The following NWD1 variants were observed in gnomAD, a reference collection of about 807,000 sequenced individuals.
The protein encoded by NWD1 is NACHT domain- and WD repeat-containing protein 1.
A neutral mutation model predicts 135.1 loss-of-function variants in NWD1; 129 were observed. The observed-to-expected ratio is 0.96, with a 90% CI of 0.83 to 1.11. The LOEUF is 1.11. Among genes scored for constraint, NWD1 ranks in the 50% least tolerant of loss-of-function variants. The pLI is 0.00. For synonymous variants in NWD1, 773 were observed against 786.0 expected, an observed-to-expected ratio of 0.98 and a Z score of 0.28; for missense variants, 1,740 against 1,851.3, an observed-to-expected ratio of 0.94 and a Z score of 1.10.
At chr19:16,744,763 C>T (rs1390926874) in intron 5 of NWD1, 45 bp downstream of exon 5, 7 of 1,474,234 alleles carry the variant, frequency 4.7e-6, no homozygotes, top group Admixed American at 2.0e-5. Context: ...AAGAAACTGA[C>T]CACGTGTTCA....
In NWD1 at chr19:16,807,932, C is replaced by A. The variant is rs138665378; in HGVS notation, c.4083C>A (p.Arg1361=). 6.2e-7 allele frequency: 1 copy of A among 1,614,126 alleles called. No homozygotes were observed. Among genetic ancestry groups the A allele is most frequent in the East Asian group, 2.2e-5 (1 of 44,886 alleles). The change falls in exon 18 of 19, where the codon CGC becomes CGA. Residue 1361 remains arginine, a synonymous_variant. Coordinates refer to ENST00000524140, the MANE Select transcript of NWD1 (RefSeq NM_001007525.5). ...LSSVAILTDY[R]VVYSMTNGDL... ...GCGTGGCCATTCTGACGGACTACCG[C>A]GTGGTCTACAGCATGACCAATGGGG... is the stretch of plus-strand genomic sequence containing the variant.
At position 16,806,779 on chromosome 19, in the gene NWD1, C is replaced by T. The variant is rs138020864; in HGVS notation, c.3737-807C>T. On this transcript the variant is annotated intron_variant, in intron 17 of 18. Transcript: ENST00000524140. ...CCTGTAATCCCAGCATTTTGGGAGG[C>T]CGAGGCGGGCGGATCACTTGAGGTC... Among the ~76,000 whole-genome samples the T allele has an allele frequency of 3.1e-3, 478 of 152,068 alleles. 1 individual carries two copies. The highest frequency in any genetic ancestry group is 0.011 in the African/African-American group (454 of 41,480).
intron 12 of NWD1, 97 bp from the exon 13 acceptor site, chr19:16,788,885 G>A (rs2123041535): frequency 1.2e-6 from 1 of 804,330 alleles, no homozygotes; most frequent in South Asian, 1.5e-5. Context: ...CTTTTCTTTG[G>A]TAAATGAGGG....
chr19:16,810,626 G>A (rs1382534019), intron 18 of NWD1, among the ~76,000 whole-genome samples: 1 of 151,782 alleles, frequency 6.6e-6, no homozygotes, highest in African/African-American at 2.4e-5. Flanking sequence ...AGCCAGGTGT[G>A]GAGGTGTGTG....
At chr19:16,782,348 C>T (rs1175534097) in intron 12 of NWD1, among the ~76,000 whole-genome samples, 2 of 150,660 alleles carry the variant, frequency 1.3e-5, no homozygotes, top group Non-Finnish European at 2.9e-5. Flanking sequence ...CACCTGAAGT[C>T]CCAGCTACGT....
chr19:16,745,887 A>C (rs961333752), intron 5 of NWD1, among the ~76,000 whole-genome samples: 3 of 152,234 alleles, frequency 2.0e-5, no homozygotes, highest in African/African-American at 7.2e-5. Flanking sequence ...ACTGCACTCC[A>C]GCATGGGTGA....
At position 16,789,051 on chromosome 19, in the gene NWD1, T is replaced by A; in HGVS notation, c.2801T>A (p.Leu934Gln). ...LANSASKDYT[L>Q]HLWNLLSGQE... ...AACTCTGCTTCAAAGGATTACACGCTGCACTTGTGGAACTTACTCTCTGGC... is the reference window on the plus strand; with the variant it reads ...AACTCTGCTTCAAAGGATTACACGCAGCACTTGTGGAACTTACTCTCTGGC... Residue 934 changes from leucine (L) to glutamine (Q), a missense_variant, in exon 13 of 19, where the codon CTG (leucine) becomes CAG (glutamine). Leu to Gln is a moderately radical substitution (Grantham distance 113). Transcript: ENST00000524140. 1 of 1,613,426 alleles carries A rather than the reference T, an allele frequency of 6.2e-7. No homozygotes were observed. Among genetic ancestry groups the A allele is most frequent in the South Asian group, 1.1e-5 (1 of 91,042 alleles).
At chr19:16,790,648 AAT>A (rs984283567) in intron 13 of NWD1, among the ~76,000 whole-genome samples, 2 of 119,654 alleles carry the variant, frequency 1.7e-5, no homozygotes, top group Non-Finnish European at 1.6e-5. Flanking sequence ...AAAATAAATA[AAT>A]AAATAAATAA....
chr19:16,763,975 G>C (rs371904761), intron 9 of NWD1, 30 bp downstream of exon 9: 2 of 1,350,316 alleles, frequency 1.5e-6, no homozygotes, highest in Admixed American at 1.7e-5. Flanking sequence ...TCAGAGGACC[G>C]AGCCTGGTGA....
intron 6 of NWD1, 94 bp downstream of exon 6, chr19:16,750,505 AG>A: frequency 1.0e-6 from 1 of 995,640 alleles, no homozygotes; most frequent in Non-Finnish European, 1.4e-6. Context: ...CCCAGGCTGG[AG>A]TGCAGTGGTG....
At chr19:16,722,123 C>A (rs370142566) in intron 1 of NWD1, among the ~76,000 whole-genome samples, 5,526 of 150,912 alleles carry the variant, frequency 0.037, 343 homozygotes, top group African/African-American at 0.12. Context: ...TTGAAAAAAA[C>A]AACAACAACA....
intron 5 of NWD1, among the ~76,000 whole-genome samples, chr19:16,748,096 GTCTTAGCC>G (rs1385600810): frequency 2.0e-5 from 3 of 152,134 alleles, no homozygotes; most frequent in African/African-American, 7.2e-5. Flanking sequence ...TGATTCTCCT[GTCTTAGCC>G]TCTTGAGTAG....
intron 1 of NWD1, among the ~76,000 whole-genome samples, chr19:16,723,745 G>A (rs998434182): frequency 4.6e-5 from 7 of 152,050 alleles, no homozygotes; most frequent in African/African-American, 1.7e-4. Context: ...TGTTGCCAAG[G>A]CTGGGTGTGG....
chr19:16,756,398 T>A (rs1042865925), intron 6 of NWD1, among the ~76,000 whole-genome samples: 5 of 152,170 alleles, frequency 3.3e-5, no homozygotes, highest in African/African-American at 7.2e-5. Context: ...GGGGACTTGG[T>A]CTTGCTGTCT....
chr19:16,797,125 A>G (rs538450354), intron 15 of NWD1, among the ~76,000 whole-genome samples: 275 of 151,444 alleles, frequency 1.8e-3, no homozygotes, highest in African/African-American at 6.2e-3. Context: ...GGTTGCAGTG[A>G]GCCAAGATCA....
chr19:16,772,817 A>G (rs1364694254), intron 10 of NWD1, among the ~76,000 whole-genome samples: 1 of 151,914 alleles, frequency 6.6e-6, no homozygotes, highest in Non-Finnish European at 1.5e-5. Context: ...CCGGGACAAC[A>G]GAGTGTGATA....
intron 2 of NWD1, among the ~76,000 whole-genome samples, chr19:16,726,709 G>GATT (rs1414434160): frequency 6.6e-6 from 1 of 152,188 alleles, no homozygotes; most frequent in Non-Finnish European, 1.5e-5. Context: ...AAAGTGCTGG[G>GATT]ATTATAGGTG....
chr19:16,771,749 G>A (rs1442993749), intron 10 of NWD1, among the ~76,000 whole-genome samples: 1 of 151,878 alleles, frequency 6.6e-6, no homozygotes, highest in Non-Finnish European at 1.5e-5. Flanking sequence ...GGACAACCAT[G>A]TGCTCTCCGT....
At chr19:16,723,620 G>A (rs1311289045) in intron 1 of NWD1, among the ~76,000 whole-genome samples, 3 of 152,138 alleles carry the variant, frequency 2.0e-5, no homozygotes, top group Non-Finnish European at 4.4e-5. Flanking sequence ...CCCCTTGGCT[G>A]ATTTTAATTT....
Sources: allele counts gnomAD v4.1 joint callset (sites outside exome capture counted in the v4.1 genomes callset), GRCh38; gene constraint gnomAD v4.1.1; transcripts MANE v1.5; gene names NCBI Gene and HGNC (gene_info 2026-07-23, HGNC 2026-07-21).